The following NAP1L1 variants were observed in gnomAD, a reference collection of about 807,000 sequenced individuals.
NAP1L1 encodes the protein nucleosome assembly protein 1-like 1.
Under a neutral mutation model 58.9 loss-of-function variants are expected in NAP1L1, and 9 were observed. The ratio of observed to expected loss-of-function variants is 0.15; its 90% CI spans 0.09 to 0.27. The LOEUF is 0.27. Ranked by LOEUF, NAP1L1 falls within the 10% of genes least tolerant of loss-of-function variation. NAP1L1 has a pLI of 1.00. For missense variants in NAP1L1, 302 were observed against 458.8 expected (o/e 0.66, Z 3.12); for synonymous variants, 130 against 138.3 (o/e 0.94, Z 0.42).
At chr12:76,054,232 G>A (rs1013345739) in intron 8 of NAP1L1, among the ~76,000 whole-genome samples, 2 of 151,954 alleles carry the variant, frequency 1.3e-5, no homozygotes, top group African/African-American at 2.4e-5. Context: ...GTTTCACCAC[G>A]TTGGACAGGC....
intron 4 of NAP1L1, among the ~76,000 whole-genome samples, chr12:76,065,532 TA>T (rs10711705): frequency 0.96 from 137,430 of 142,894 alleles, 66,121 homozygotes; most frequent in East Asian, 1. Flanking sequence ...AAGAGCAACT[TA>T]AAAAAAAAAA....
chr12:76,057,937 G>T (rs1219933195), intron 6 of NAP1L1: 1 of 1,108,650 alleles, frequency 9.0e-7, no homozygotes, highest in Non-Finnish European at 1.4e-6. Flanking sequence ...TTGTGGCCTT[G>T]TAACTTTTGA....
chr12:76,073,942 A>G, intron 2 of NAP1L1: 1 of 363,264 alleles, frequency 2.8e-6, no homozygotes, highest in African/African-American at 2.1e-5. Flanking sequence ...TTTATAATCC[A>G]TTATCATGCT....
intron 13 of NAP1L1, 21 bp downstream of exon 13, chr12:76,049,735 T>C (rs1321073676): frequency 2.5e-6 from 4 of 1,611,910 alleles, no homozygotes; most frequent in Non-Finnish European, 3.4e-6. Context: ...GAGAATTATT[T>C]GCTCATTTGG....
At chr12:76,056,743 T>C (rs952189281) in intron 6 of NAP1L1, 10 of 426,192 alleles carry the variant, frequency 2.3e-5, no homozygotes, top group Middle Eastern at 3.6e-4. Flanking sequence ...CCAGGCGCAG[T>C]GGCTCACGCT....
chr12:76,069,615 G>T (rs186568077), intron 2 of NAP1L1, among the ~76,000 whole-genome samples: 1 of 152,186 alleles, frequency 6.6e-6, no homozygotes, highest in Non-Finnish European at 1.5e-5. Flanking sequence ...TAGGAAAACA[G>T]AAGAGTCCTG....
intron 7 of NAP1L1, among the ~76,000 whole-genome samples, chr12:76,055,324 A>C (rs1481374007): frequency 6.6e-6 from 1 of 152,234 alleles, no homozygotes; most frequent in East Asian, 1.9e-4. Context: ...GAATTATTAT[A>C]TAGGTTGAAA....
At chr12:76,083,730 T>C (rs1950499310) in intron 1 of NAP1L1, 2 of 152,254 alleles carry the variant, frequency 1.3e-5, no homozygotes, top group South Asian at 4.1e-4. Context: ...GGCCCTTCCT[T>C]ATCATCAGCT....
chr12:76,064,864 T>C (rs1270309987), intron 4 of NAP1L1, among the ~76,000 whole-genome samples: 1 of 152,062 alleles, frequency 6.6e-6, no homozygotes, highest in Non-Finnish European at 1.5e-5. Context: ...AAAGTAAATT[T>C]TTAGAAGAGT....
chr12:76,076,305 T>C (rs1437095377), intron 1 of NAP1L1, among the ~76,000 whole-genome samples: 1 of 152,144 alleles, frequency 6.6e-6, no homozygotes, highest in East Asian at 1.9e-4. Context: ...TATAAATTAG[T>C]TTGACCTATG....
chr12:76,050,776 G>A, intron 11 of NAP1L1, 123 bp from the exon 12 acceptor site: 1 of 982,482 alleles, frequency 1.0e-6, no homozygotes, highest in Admixed American at 3.2e-5. Flanking sequence ...CACTTCAGGA[G>A]GCCAAAGTAG....
intron 1 of NAP1L1, among the ~76,000 whole-genome samples, chr12:76,080,030 A>G (rs1383721882): frequency 1.3e-5 from 2 of 152,162 alleles, no homozygotes; most frequent in Non-Finnish European, 2.9e-5. Context: ...TAAAAACAAA[A>G]TCTTCCACTG....
intron 6 of NAP1L1, chr12:76,059,562 C>T (rs1390193632): frequency 4.6e-6 from 2 of 430,232 alleles, no homozygotes; most frequent in Admixed American, 8.5e-5. Context: ...GCTGTGGACA[C>T]TTAAGAAACT....
chr12:76,059,404 A>C (rs1949297588), intron 6 of NAP1L1, among the ~76,000 whole-genome samples: 1 of 152,232 alleles, frequency 6.6e-6, no homozygotes, highest in Non-Finnish European at 1.5e-5. Context: ...ATTAAAAATA[A>C]TGTACAACCA....
chr12:76,038,014 T>TA lies in NAP1L1; in HGVS notation c.*10414dup, dbSNP rs1453038728. ...GAAGTCTGATTATTTGTAAACTTGT[T>TA]ATGGTAATATTAGCTTTGAAGTGAC... On this transcript the variant is annotated 3_prime_UTR_variant, in exon 15 of 15. Coordinates refer to ENST00000618691, the MANE Select transcript of NAP1L1 (RefSeq NM_004537.7). 2 of 152,234 alleles carry TA rather than the reference T, an allele frequency of 1.3e-5. No individual in the cohort carries two copies. The highest frequency in any genetic ancestry group is 2.4e-5 in the African/African-American group (1 of 41,456). The allele number at this position is 152,234 out of a possible 1,614,324, so 9.4% of individuals were successfully genotyped here.
chr12:76,081,509 A>G lies in NAP1L1; in HGVS notation c.-21+3058T>C, dbSNP rs148767943. 9.7e-3 allele frequency among the ~76,000 whole-genome samples: 1,476 copies of G among 152,284 alleles called. 21 individuals carry two copies. Among genetic ancestry groups the G allele is most frequent in the African/African-American group, 0.033 (1,369 of 41,544 alleles). ...TCAGCACTTTGGGAGGCCAAGGCAA[A>G]ATCGCTTGAGGTGAGGCATTTAAGA... On this transcript the variant is annotated intron_variant, in intron 1 of 14. Coordinates refer to ENST00000618691, the MANE Select transcript of NAP1L1 (RefSeq NM_004537.7).
At chr12:76,057,598 G>T in intron 6 of NAP1L1, 2 of 1,121,288 alleles carry the variant, frequency 1.8e-6, no homozygotes, top group Non-Finnish European at 2.7e-6. Flanking sequence ...AAGGAACAGA[G>T]CCAAGTTAGA....
At chr12:76,056,238 A>G (rs1565722059) in intron 6 of NAP1L1, 77 bp from the exon 7 acceptor site, 1 of 1,416,576 alleles carries the variant, frequency 7.1e-7, no homozygotes, top group Non-Finnish European at 9.6e-7. Context: ...ATAAAAACCA[A>G]AAAGCACAGT....
chr12:76,058,165 G>A, intron 6 of NAP1L1: 1 of 618,646 alleles, frequency 1.6e-6, no homozygotes, highest in South Asian at 1.5e-5. Context: ...TGAACTGACA[G>A]TAGATATGGC....
Sources: gnomAD v4.1 joint callset for allele counts (sites outside exome capture counted in the v4.1 genomes callset) on GRCh38, gnomAD v4.1.1 for gene constraint, MANE v1.5 for transcripts, NCBI Gene and HGNC (gene_info 2026-07-23, HGNC 2026-07-21) for gene names.